Variants in CDH7 observed in about 807,000 individuals in gnomAD.
The protein encoded by CDH7 is cadherin 7.
In CDH7, 25 loss-of-function variants were observed where a neutral mutation model predicts 71.8. The observed-to-expected ratio is 0.35, with a 90% CI of 0.25 to 0.49. CDH7 has a LOEUF of 0.49. Ranked by LOEUF, CDH7 falls within the 20% of genes least tolerant of loss-of-function variation. The pLI is 0.99. For missense variants in CDH7, 862 were observed against 974.6 expected (o/e 0.88, Z 1.54); for synonymous variants, 381 against 363.8 (o/e 1.05, Z -0.54).
chr18:65,867,632 T>C (rs894342534), intron 11 of CDH7, among the ~76,000 whole-genome samples: 1 of 152,202 alleles, frequency 6.6e-6, no homozygotes, highest in African/African-American at 2.4e-5. Flanking sequence ...TTTCTGTTCC[T>C]CGGCATACAC....
intron 2 of CDH7, among the ~76,000 whole-genome samples, chr18:65,766,851 C>T (rs978050645): frequency 7.6e-6 from 1 of 132,088 alleles, no homozygotes; most frequent in Admixed American, 9.9e-5. Flanking sequence ...ATCACCTTGG[C>T]ATTACTCACT....
At chr18:65,759,932 A>G (rs181795433) in intron 1 of CDH7, among the ~76,000 whole-genome samples, 2 of 152,210 alleles carry the variant, frequency 1.3e-5, no homozygotes, top group East Asian at 1.9e-4. Flanking sequence ...ATACATATAT[A>G]TATAGTACTT....
chr18:65,763,124 T>C (rs555846839), intron 2 of CDH7, 72 bp downstream of exon 2: 1 of 810,932 alleles, frequency 1.2e-6, no homozygotes, highest in East Asian at 3.1e-5. Flanking sequence ...AAAACTGCTA[T>C]ATATATATAA....
chr18:65,872,153 T>G (rs1395302763), intron 11 of CDH7, among the ~76,000 whole-genome samples: 1 of 152,138 alleles, frequency 6.6e-6, no homozygotes, highest in Non-Finnish European at 1.5e-5. Flanking sequence ...AAGTTCAAGA[T>G]AGCGGACCCA....
chr18:65,861,879 A>AT (rs1016077713), intron 10 of CDH7, among the ~76,000 whole-genome samples: 15 of 86,956 alleles, frequency 1.7e-4, no homozygotes, highest in South Asian at 1.7e-3. Flanking sequence ...ACAGCTATTA[A>AT]TTTAAAAAAT....
intron 2 of CDH7, among the ~76,000 whole-genome samples, chr18:65,774,947 T>C (rs577259415): frequency 6.6e-6 from 1 of 152,314 alleles, no homozygotes; most frequent in African/African-American, 2.4e-5. Flanking sequence ...TGATCCATCC[T>C]TCTCTCTCAA....
At chr18:65,760,111 A>T (rs1326267022) in intron 1 of CDH7, among the ~76,000 whole-genome samples, 1 of 152,176 alleles carries the variant, frequency 6.6e-6, no homozygotes, top group Non-Finnish European at 1.5e-5. Flanking sequence ...ATTTTAACAT[A>T]GCCAGTTTCA....
chr18:65,866,320 A>AAAAAAAC (rs1913755737), intron 11 of CDH7: 1 of 124,884 alleles, frequency 8.0e-6, no homozygotes, highest in African/African-American at 3.0e-5. Flanking sequence ...AAAAACAAAA[A>AAAAAAAC]AAAAAAAAAA....
chr18:65,808,418 A>G (rs894251953), intron 2 of CDH7, among the ~76,000 whole-genome samples: 3 of 152,234 alleles, frequency 2.0e-5, no homozygotes, highest in African/African-American at 7.2e-5. Flanking sequence ...CACTGAATAA[A>G]CATATGGCTT....
chr18:65,773,369 G>T (rs1367305829), intron 2 of CDH7, among the ~76,000 whole-genome samples: 1 of 152,024 alleles, frequency 6.6e-6, no homozygotes, highest in Non-Finnish European at 1.5e-5. Context: ...TCTTATTATT[G>T]TATTTTAATA....
chr18:65,859,777 A>C lies in CDH7; in HGVS notation c.1564A>C (p.Thr522Pro), dbSNP rs541780162. ...SNGHQFYFSL[T>P]TDATNNHNFS... Reference sequence around the variant, plus strand: ...TGGACACCAGTTTTACTTCAGCTTAACAACGGATGCAACAAATAACCACAA... The same window carrying C: ...TGGACACCAGTTTTACTTCAGCTTACCAACGGATGCAACAAATAACCACAA... Residue 522 changes from threonine (T) to proline (P), a missense_variant, in exon 10 of 12, where the codon ACA (threonine) becomes CCA (proline). By Grantham distance (38) the Thr-to-Pro change is conservative. Transcript: ENST00000397968. 1.9e-6 allele frequency: 3 copies of C among 1,611,768 alleles called. No individual in the cohort carries two copies. In the Admixed American group the frequency reaches 5.0e-5, roughly 27 times the overall value.
intron 10 of CDH7, among the ~76,000 whole-genome samples, chr18:65,860,366 C>T (rs1264062261): frequency 6.6e-6 from 1 of 152,010 alleles, no homozygotes; most frequent in Non-Finnish European, 1.5e-5. Flanking sequence ...AACTCCCTCT[C>T]GTGTCAAATT....
intron 6 of CDH7, among the ~76,000 whole-genome samples, chr18:65,838,971 A>T (rs2143977777): frequency 6.6e-6 from 1 of 152,330 alleles, no homozygotes; most frequent in Non-Finnish European, 1.5e-5. Flanking sequence ...AAGTATTTAT[A>T]CAGTGATTAT....
chr18:65,862,620 A>T, intron 10 of CDH7, 46 bp from the exon 11 acceptor site: 1 of 1,586,426 alleles, frequency 6.3e-7, no homozygotes, highest in Non-Finnish European at 8.6e-7. Context: ...GGGAAGACTG[A>T]TTCCATCAGA....
chr18:65,804,699 C>CGTGTGTGTGTGTGTGTGTGTGT (rs56242508), intron 2 of CDH7, among the ~76,000 whole-genome samples: 16 of 148,816 alleles, frequency 1.1e-4, no homozygotes, highest in South Asian at 4.3e-4. Context: ...CCTTAACACA[C>CGTGTGTGTGTGTGTGTGTGTGT]GTGTGTGTGT....
chr18:65,876,977 G>T (rs113161383), intron 11 of CDH7, among the ~76,000 whole-genome samples: 1 of 152,220 alleles, frequency 6.6e-6, no homozygotes, highest in East Asian at 1.9e-4. Flanking sequence ...TGACACAAAA[G>T]AGAAATGATA....
chr18:65,855,921 T>C (rs920018342), intron 7 of CDH7, among the ~76,000 whole-genome samples: 2 of 152,124 alleles, frequency 1.3e-5, no homozygotes, highest in African/African-American at 4.8e-5. Flanking sequence ...ATAAGATTGG[T>C]TTAATATTCA....
intron 10 of CDH7, 93 bp from the exon 11 acceptor site, chr18:65,862,573 A>C: frequency 8.1e-7 from 1 of 1,240,804 alleles, no homozygotes; most frequent in Non-Finnish European, 1.1e-6. Flanking sequence ...TCCCTAATTA[A>C]GGCATCAAAG....
rs571306436 is a variant in CDH7, at chr18:65,772,138, A to G, written c.210+9086A>G. On this transcript the variant is annotated intron_variant, in intron 2 of 11. Coordinates refer to ENST00000397968, the MANE Select transcript of CDH7 (RefSeq NM_004361.5). ...CACACAATCAAAATTTGGACAACACATACATAATGTTCAACAGATGTGAGT... is the reference window on the plus strand; with the variant it reads ...CACACAATCAAAATTTGGACAACACGTACATAATGTTCAACAGATGTGAGT... 7.9e-5 allele frequency among the ~76,000 whole-genome samples: 12 copies of G among 152,308 alleles called. No homozygotes were observed. In the South Asian group the frequency reaches 2.1e-3, roughly 26 times the overall value.
Sources: gnomAD v4.1 joint callset for allele counts (sites outside exome capture counted in the v4.1 genomes callset) on GRCh38, gnomAD v4.1.1 for gene constraint, MANE v1.5 for transcripts, NCBI Gene and HGNC (gene_info 2026-07-23, HGNC 2026-07-21) for gene names.